Variants in FGFR2 observed in about 807,000 individuals in gnomAD.
FGFR2 encodes fibroblast growth factor receptor 2.
In FGFR2, 19 loss-of-function variants were observed where a neutral mutation model predicts 95.9. The ratio of observed to expected loss-of-function variants is 0.20; its 90% CI spans 0.14 to 0.29. The LOEUF (loss-of-function observed/expected upper bound fraction) is 0.29. Ranked by LOEUF, FGFR2 falls within the 10% of genes least tolerant of loss-of-function variation. The probability of loss-of-function intolerance (pLI) is 1.00; values close to 1 mark genes in which losing one functional copy is unlikely to be tolerated. For synonymous variants in FGFR2, 392 were observed against 393.3 expected, an observed-to-expected ratio of 1.00 and a Z score of 0.04; for missense variants, 707 against 1,056.9, an observed-to-expected ratio of 0.67 and a Z score of 4.59.
rs980889134 is a variant in FGFR2, at chr10:121,564,679, C to A, written c.377-100G>T. ...CCTTCTCCATAGCAAAGTCAACAAC[C>A]CAGGAACCCTCGCAAAGAGCCTGGG... On this transcript the variant is annotated intron_variant, in intron 3 of 17. Coordinates refer to ENST00000358487, the MANE Select transcript of FGFR2 (RefSeq NM_000141.5). 6 of 1,039,960 alleles carry A rather than the reference C, an allele frequency of 5.8e-6. No homozygotes were observed. In the African/African-American group the frequency reaches 9.3e-5, roughly 16 times the overall value. 64.4% of individuals were successfully genotyped at this position (1,039,960 alleles called of 1,614,324 possible). A position where few individuals can be genotyped will look rare whatever the true frequency, so the allele number is the denominator to read the frequency against.
At chr10:121,570,344 G>T (rs1049840180) in intron 2 of FGFR2, among the ~76,000 whole-genome samples, 1 of 152,190 alleles carries the variant, frequency 6.6e-6, no homozygotes, top group African/African-American at 2.4e-5. Flanking sequence ...CTGGCCCCAG[G>T]CTGCGCGGAG....
Position 121,520,122 on chromosome 10 carries a change from C to A in FGFR2, c.796G>T (p.Ala266Ser), listed in dbSNP as rs1375799439. Reference sequence around the variant, plus strand: ...ACGTCTCCTCCGACCACTGTGGAGGCATTTGCCGGCAGTCCGGCTTGGAGG... The same window carrying A: ...ACGTCTCCTCCGACCACTGTGGAGGAATTTGCCGGCAGTCCGGCTTGGAGG... ...PILQAGLPAN[A>S]STVVGGDVEF... The change falls in exon 7 of 18, where the codon GCC (alanine) becomes TCC (serine). Residue 266 changes from alanine (A) to serine (S), a missense_variant. Physicochemically the swap from Ala to Ser is moderately conservative, Grantham distance 99 (BLOSUM62 1). Transcript: ENST00000358487. 6.2e-7 allele frequency: 1 copy of A among 1,614,066 alleles called. No individual in the cohort carries two copies. The highest frequency in any genetic ancestry group is 8.5e-7 in the Non-Finnish European group (1 of 1,179,920).
At chr10:121,481,131 C>T (rs3135821) in intron 17 of FGFR2, among the ~76,000 whole-genome samples, 15,698 of 151,876 alleles carry the variant, frequency 0.1, 1,172 homozygotes, top group East Asian at 0.42. Flanking sequence ...ATATTTACTC[C>T]CTGGCCCTTT....
chr10:121,548,245 CTTTTTTTTTTTTTTTTTTTTTTTTTT>C (rs57061338), intron 5 of FGFR2, among the ~76,000 whole-genome samples: 1 of 46,668 alleles, frequency 2.1e-5, no homozygotes, highest in Non-Finnish European at 4.1e-5. Context: ...CGCTTTTGGC[CTTTTTTTTTTTTTTTTTTTTTTTTTT>C]TTTTTTTTGG....
chr10:121,543,185 C>G (rs1192222216), intron 5 of FGFR2, among the ~76,000 whole-genome samples: 2 of 152,130 alleles, frequency 1.3e-5, no homozygotes, highest in African/African-American at 4.8e-5. Flanking sequence ...ATGAACAGAT[C>G]AGTTCATTCA....
intron 6 of FGFR2, among the ~76,000 whole-genome samples, chr10:121,537,368 A>G (rs1161100921): frequency 2.0e-5 from 3 of 152,228 alleles, no homozygotes; most frequent in East Asian, 3.8e-4. Flanking sequence ...ACTTGACAGA[A>G]AATCAAAATA....
At chr10:121,484,622 T>C (rs999955386) in intron 16 of FGFR2, among the ~76,000 whole-genome samples, 2 of 151,818 alleles carry the variant, frequency 1.3e-5, no homozygotes, top group African/African-American at 4.8e-5. Context: ...CCTGGAGGGG[T>C]TGAGGCAGGA....
At chr10:121,556,778 C>T (rs1223517857) in intron 4 of FGFR2, among the ~76,000 whole-genome samples, 2 of 152,152 alleles carry the variant, frequency 1.3e-5, no homozygotes, top group Non-Finnish European at 2.9e-5. Context: ...AAAAACACAG[C>T]CTGTTCCAGC....
intron 1 of FGFR2, among the ~76,000 whole-genome samples, chr10:121,594,947 G>A (rs1159462705): frequency 6.6e-6 from 1 of 152,190 alleles, no homozygotes; most frequent in Non-Finnish European, 1.5e-5. Flanking sequence ...TCACCCATTT[G>A]ATCCAAGGGA....
At chr10:121,570,515 T>C (rs1858491710) in intron 2 of FGFR2, among the ~76,000 whole-genome samples, 1 of 152,228 alleles carries the variant, frequency 6.6e-6, no homozygotes, top group African/African-American at 2.4e-5. Flanking sequence ...ATAACTCCTT[T>C]TATAGTCATG....
rs1265971210 is a variant in FGFR2 at position 121,485,705 on chromosome 10, T to C, written c.2058-173A>G. ...GCCCTGCAAGAGCATCCCCGAATGATGATGACACGGGGATGTGCTGATGGA... is the reference window on the plus strand; with the variant it reads ...GCCCTGCAAGAGCATCCCCGAATGACGATGACACGGGGATGTGCTGATGGA... On this transcript the variant is annotated intron_variant, in intron 15 of 17. Coordinates refer to ENST00000358487, the MANE Select transcript of FGFR2 (RefSeq NM_000141.5). The surrounding 1 kb of genome is among the most constrained non-coding windows in gnomAD (Gnocchi z 4.2). 6.6e-6 allele frequency among the ~76,000 whole-genome samples: 1 copy of C among 152,158 alleles called. No individual in the cohort carries two copies. The highest frequency in any genetic ancestry group is 6.5e-5 in the Admixed American group (1 of 15,270).
At chr10:121,513,944 C>G (rs1256137865) in intron 9 of FGFR2, among the ~76,000 whole-genome samples, 1 of 152,170 alleles carries the variant, frequency 6.6e-6, no homozygotes, top group Non-Finnish European at 1.5e-5. Context: ...CCTAATCCTT[C>G]CTAATGCCTT....
At chr10:121,481,238 G>A (rs1309004700) in intron 17 of FGFR2, among the ~76,000 whole-genome samples, 5 of 152,128 alleles carry the variant, frequency 3.3e-5, no homozygotes, top group African/African-American at 1.2e-4. Context: ...TGGCACAGTG[G>A]GGCAGTTCTG....
chr10:121,562,525 A>G (rs1050209671), intron 4 of FGFR2, among the ~76,000 whole-genome samples: 2 of 152,258 alleles, frequency 1.3e-5, no homozygotes, highest in African/African-American at 4.8e-5. Flanking sequence ...TTCCCAAGTG[A>G]TCCACCCGCC....
In FGFR2 at chr10:121,504,486, G is replaced by C. The variant is rs3135771; in HGVS notation, c.1288-545C>G. On this transcript the variant is annotated intron_variant, in intron 9 of 17. Coordinates refer to ENST00000358487, the MANE Select transcript of FGFR2 (RefSeq NM_000141.5). ...ACTTGAATGTGGAAGACATTCAGTA[G>C]CTCCGAGTCCCTTTAACTCAAAATA... Among the ~76,000 whole-genome samples, 219 of 152,258 alleles carry C rather than the reference G, an allele frequency of 1.4e-3. 1 individual carries two copies. The East Asian group carries it at 0.016, about 11-fold the overall frequency.
chr10:121,513,121 G>A (rs1379695513), intron 9 of FGFR2, among the ~76,000 whole-genome samples: 3 of 152,184 alleles, frequency 2.0e-5, no homozygotes, highest in South Asian at 2.1e-4. Flanking sequence ...TGATCCACGC[G>A]CCTCAGCCTC....
intron 13 of FGFR2, among the ~76,000 whole-genome samples, chr10:121,491,107 C>T (rs558323848): frequency 6.6e-6 from 1 of 152,284 alleles, no homozygotes; most frequent in East Asian, 1.9e-4. Context: ...ATGTGCTTCC[C>T]ACGCACTGGG....
intron 15 of FGFR2, 150 bp downstream of exon 15, chr10:121,487,204 C>T: frequency 1.3e-6 from 1 of 743,954 alleles, no homozygotes; most frequent in East Asian, 2.7e-5. Flanking sequence ...ATCAGCCTAC[C>T]ATAAAATCTG....
intron 16 of FGFR2, 74 bp from the exon 17 acceptor site, chr10:121,483,877 A>G: frequency 1.9e-6 from 2 of 1,072,090 alleles, no homozygotes; most frequent in Non-Finnish European, 2.8e-6. Flanking sequence ...TTAATAGGCA[A>G]TATGGGGACG....
Sources: allele counts gnomAD v4.1 joint callset (sites outside exome capture counted in the v4.1 genomes callset), GRCh38; gene constraint gnomAD v4.1.1; non-coding constraint Gnocchi (gnomAD v3.1); transcripts MANE v1.5; gene names NCBI Gene and HGNC (gene_info 2026-07-23, HGNC 2026-07-21).